Variants in HYCC2 observed in about 807,000 individuals in gnomAD.
HYCC2 encodes hyccin 2.
At chr2:201,062,348 A>G in the HYCC2 span, among the ~76,000 whole-genome samples, 2 of 151,800 alleles carry the variant, frequency 1.3e-5, no homozygotes, top group Non-Finnish European at 2.9e-5. Context: ...TCCTGTCTCT[A>G]TTAAAAATAC....
At chr2:201,049,731 G>A in the HYCC2 span, among the ~76,000 whole-genome samples, 3 of 151,978 alleles carry the variant, frequency 2.0e-5, no homozygotes, top group African/African-American at 7.3e-5. Flanking sequence ...AAAGATGATG[G>A]CATGCAAAGT....
the HYCC2 span, among the ~76,000 whole-genome samples, chr2:200,990,930 ACT>A: frequency 6.6e-6 from 1 of 150,636 alleles, no homozygotes; most frequent in African/African-American, 2.4e-5. Context: ...CTGGTCTTGA[ACT>A]TGTGGCCTCA....
chr2:201,051,287 T>C, the HYCC2 span, among the ~76,000 whole-genome samples: 1 of 152,168 alleles, frequency 6.6e-6, no homozygotes, highest in African/African-American at 2.4e-5. Context: ...TTGAAAACTT[T>C]ACCCTCTGAG....
chr2:200,993,925 A>G, the HYCC2 span, among the ~76,000 whole-genome samples: 42,271 of 151,792 alleles, frequency 0.28, 8,282 homozygotes, highest in African/African-American at 0.55. Context: ...AGCCGAGATC[A>G]CGCCACTTCA....
At chr2:201,018,503 G>A in the HYCC2 span, among the ~76,000 whole-genome samples, 2 of 152,132 alleles carry the variant, frequency 1.3e-5, no homozygotes, top group African/African-American at 4.8e-5. Flanking sequence ...TCACTGTCAT[G>A]ATTATAAAAA....
chr2:201,059,000 T>C, the HYCC2 span, among the ~76,000 whole-genome samples: 1 of 152,200 alleles, frequency 6.6e-6, no homozygotes, highest in African/African-American at 2.4e-5. Flanking sequence ...AGAGAGTCAG[T>C]TCCTCCTGCC....
At chr2:200,980,087 G>A in the HYCC2 span, 1 of 152,740 alleles carries the variant, frequency 6.5e-6, no homozygotes, top group East Asian at 1.9e-4. Flanking sequence ...ATAAAAATGT[G>A]TCACATTGAA....
chr2:201,048,451 ATTTGTAAAC>A, the HYCC2 span, among the ~76,000 whole-genome samples: 1 of 151,688 alleles, frequency 6.6e-6, no homozygotes. Context: ...CCCGACACAA[ATTTGTAAAC>A]TTTCTTAAAA....
At chr2:200,988,275 T>C in the HYCC2 span, 3 of 1,610,482 alleles carry the variant, frequency 1.9e-6, no homozygotes, top group East Asian at 2.2e-5. Flanking sequence ...CTCTTCTCCA[T>C]CTATGACGAC....
chr2:200,978,119 A>G, the HYCC2 span: 3 of 152,340 alleles, frequency 2.0e-5, no homozygotes, highest in South Asian at 2.1e-4. Context: ...TTGCTGGCAT[A>G]TATCTGTAAC....
chr2:201,052,913 T>A, the HYCC2 span, among the ~76,000 whole-genome samples: 1 of 152,164 alleles, frequency 6.6e-6, no homozygotes, highest in African/African-American at 2.4e-5. Flanking sequence ...CAGCACACTG[T>A]GTGTGTGAGG....
At chr2:201,017,454 T>C in the HYCC2 span, among the ~76,000 whole-genome samples, 3 of 152,298 alleles carry the variant, frequency 2.0e-5, no homozygotes, top group South Asian at 4.1e-4. Context: ...GTACTACATT[T>C]ATATTTGAGA....
the HYCC2 span, among the ~76,000 whole-genome samples, chr2:201,056,064 G>A: frequency 3.9e-5 from 6 of 152,034 alleles, no homozygotes; most frequent in African/African-American, 1.4e-4. Flanking sequence ...GCAGGCGCCT[G>A]TAGCCTGTAG....
chr2:200,979,286 CACACACACACAG>C, the HYCC2 span: 2 of 152,244 alleles, frequency 1.3e-5, no homozygotes, highest in Non-Finnish European at 2.9e-5. Context: ...CACACACACA[CACACACACACAG>C]ACACACACAA....
the HYCC2 span, among the ~76,000 whole-genome samples, chr2:201,000,842 G>A: frequency 6.6e-5 from 10 of 151,840 alleles, no homozygotes; most frequent in African/African-American, 2.4e-4. Flanking sequence ...TAAGAGGGTG[G>A]GGCCTTTGCA....
chr2:200,992,754 A>G, the HYCC2 span: 3 of 636,742 alleles, frequency 4.7e-6, no homozygotes, highest in Non-Finnish European at 5.4e-6. Flanking sequence ...AAAGGAAACC[A>G]TATTAGAAAA....
chr2:201,058,376 A>C, the HYCC2 span, among the ~76,000 whole-genome samples: 1 of 152,224 alleles, frequency 6.6e-6, no homozygotes, highest in South Asian at 2.1e-4. Flanking sequence ...ACAATAAAAC[A>C]ACCAGCCATA....
At chr2:201,042,378 C>T in the HYCC2 span, among the ~76,000 whole-genome samples, 96 of 152,136 alleles carry the variant, frequency 6.3e-4, no homozygotes, top group African/African-American at 2.1e-3. Context: ...CGGCCGCCAC[C>T]CCATCTAGGA....
chr2:201,031,930 A>C, the HYCC2 span, among the ~76,000 whole-genome samples: 1 of 152,074 alleles, frequency 6.6e-6, no homozygotes, highest in Non-Finnish European at 1.5e-5. Context: ...TTGCACAAGG[A>C]CTGCAATCAT....
Sources: gnomAD v4.1 joint callset for allele counts (sites outside exome capture counted in the v4.1 genomes callset) on GRCh38, gnomAD v4.1.1 for gene constraint, MANE v1.5 for transcripts, NCBI Gene and HGNC (gene_info 2026-07-23, HGNC 2026-07-21) for gene names.